Variants in GSS observed in about 807,000 individuals in gnomAD.
GSS encodes glutathione synthetase.
Under a neutral mutation model 60.4 loss-of-function variants are expected in GSS, and 34 were observed. That is an observed-to-expected ratio of 0.56 (90% CI 0.43 to 0.75). The LOEUF (loss-of-function observed/expected upper bound fraction) is 0.75. Ranked by LOEUF, GSS falls within the 30% of genes least tolerant of loss-of-function variation. The pLI, the probability that GSS is intolerant of heterozygous loss-of-function variation, is 0.00. For synonymous variants in GSS, 224 were observed against 239.0 expected, an observed-to-expected ratio of 0.94 and a Z score of 0.58; for missense variants, 499 against 595.1, an observed-to-expected ratio of 0.84 and a Z score of 1.68.
chr20:34,932,610 G>A (rs938183195), intron 9 of GSS, among the ~76,000 whole-genome samples: 1 of 152,006 alleles, frequency 6.6e-6, no homozygotes, highest in Non-Finnish European at 1.5e-5. Flanking sequence ...CCTTCCTTTC[G>A]GCTTTTCCCA....
intron 2 of GSS, 102 bp downstream of exon 2, chr20:34,951,622 G>T: frequency 1.5e-6 from 2 of 1,319,910 alleles, no homozygotes; most frequent in Non-Finnish European, 2.1e-6. Flanking sequence ...AAAAAATAAG[G>T]CAAAAGAGAT....
intron 11 of GSS, among the ~76,000 whole-genome samples, chr20:34,930,193 G>A (rs1440635598): frequency 1.3e-5 from 2 of 151,506 alleles, no homozygotes; most frequent in Non-Finnish European, 2.9e-5. Context: ...TTGAACCTGG[G>A]AGGCAGTGGT....
chr20:34,929,702 T>C, intron 11 of GSS, 112 bp from the exon 12 acceptor site: 1 of 899,202 alleles, frequency 1.1e-6, no homozygotes, highest in South Asian at 1.3e-5. Context: ...TGGCACCCGC[T>C]CAGTGAAGCC....
At chr20:34,946,940 C>G in intron 2 of GSS, among the ~76,000 whole-genome samples, 1 of 152,178 alleles carries the variant, frequency 6.6e-6, no homozygotes. Flanking sequence ...AACAACTGAA[C>G]TAGAACTTGG....
rs572018749 is a variant in GSS, at chr20:34,947,618, T to C, written c.130-1520A>G. Among the ~76,000 whole-genome samples, 16 of 152,252 alleles carry C rather than the reference T, an allele frequency of 1.1e-4. No individual in the cohort carries two copies. The South Asian group carries it at 3.3e-3, about 32-fold the overall frequency. On this transcript the variant is annotated intron_variant, in intron 2 of 12. Coordinates refer to ENST00000651619, the MANE Select transcript of GSS (RefSeq NM_000178.4). The stretch of plus-strand genomic sequence containing the variant: ...TATATGTATACACATATATTTTCTC[T>C]TTTTTTCACCCCCATAGCAAACTAT...
rs1426560325 is a variant in GSS at position 34,935,642 on chromosome 20, C to T, written c.768G>A (p.Val256=). 1 of 1,608,794 alleles carries T rather than the reference C, an allele frequency of 6.2e-7. No homozygotes were observed. The part of the protein sequence containing the change: ...GSLDQDRRLF[V]DGQEIAVVYF... Reference sequence around the variant, plus strand: ...AAACCACAGCAATTTCCTGGCCATCCCTGGAACACAGGATGGAGAAGGCTG... The same window carrying T: ...AAACCACAGCAATTTCCTGGCCATCTCTGGAACACAGGATGGAGAAGGCTG... Residue 256 remains valine, a splice_region_variant and synonymous_variant, in exon 9 of 13, where the codon GTG becomes GTA. Coordinates refer to ENST00000651619, the MANE Select transcript of GSS (RefSeq NM_000178.4).
intron 2 of GSS, 134 bp downstream of exon 2, chr20:34,951,590 A>G (rs2081568635): frequency 1.0e-6 from 1 of 952,964 alleles, no homozygotes. Flanking sequence ...TTCTACTTCT[A>G]GAGATCAATT....
At chr20:34,945,142 TC>T (rs2081510888) in intron 3 of GSS, among the ~76,000 whole-genome samples, 1 of 151,676 alleles carries the variant, frequency 6.6e-6, no homozygotes, top group Non-Finnish European at 1.5e-5. Context: ...TGCCTCAGCC[TC>T]CCAAGTAGCT....
At chr20:34,955,605 A>C (rs1457748394) in intron 1 of GSS, 122 bp downstream of exon 1, 1 of 152,318 alleles carries the variant, frequency 6.6e-6, no homozygotes, top group Non-Finnish European at 1.5e-5. Context: ...GCTCCTACGA[A>C]GGGTTTCAGC....
chr20:34,934,660 G>T (rs144326106), intron 9 of GSS, among the ~76,000 whole-genome samples: 5 of 152,248 alleles, frequency 3.3e-5, no homozygotes, highest in African/African-American at 9.6e-5. Flanking sequence ...TAAAGAAAAG[G>T]ATGTTCTATC....
At chr20:34,953,320 C>T (rs1457559241) in intron 1 of GSS, among the ~76,000 whole-genome samples, 1 of 152,208 alleles carries the variant, frequency 6.6e-6, no homozygotes, top group Non-Finnish European at 1.5e-5. Context: ...GAGCCAGTGC[C>T]AGGCCAATTA....
chr20:34,944,291 T>C (rs1047468613), intron 3 of GSS, among the ~76,000 whole-genome samples: 1 of 152,204 alleles, frequency 6.6e-6, no homozygotes, highest in African/African-American at 2.4e-5. Context: ...GTTGCAAAGA[T>C]GAGCTGCAAG....
At chr20:34,953,181 C>T (rs1323229042) in intron 1 of GSS, among the ~76,000 whole-genome samples, 1 of 152,330 alleles carries the variant, frequency 6.6e-6, no homozygotes, top group South Asian at 2.1e-4. Context: ...AACACAGTCA[C>T]TAATTTTGTT....
At chr20:34,949,237 C>T (rs973420897) in intron 2 of GSS, among the ~76,000 whole-genome samples, 2 of 152,012 alleles carry the variant, frequency 1.3e-5, no homozygotes, top group African/African-American at 4.8e-5. Context: ...AAATTAACTC[C>T]CCAAACACTG....
intron 3 of GSS, among the ~76,000 whole-genome samples, chr20:34,945,495 C>T (rs891054681): frequency 1.3e-5 from 2 of 151,926 alleles, no homozygotes; most frequent in Admixed American, 6.6e-5. Context: ...CCCATCCCAT[C>T]CAAAGATGAG....
chr20:34,932,789 C>G (rs1024466805), intron 9 of GSS, among the ~76,000 whole-genome samples: 1 of 152,130 alleles, frequency 6.6e-6, no homozygotes, highest in Non-Finnish European at 1.5e-5. Flanking sequence ...CACACATACA[C>G]GCACACGCAC....
intron 8 of GSS, 30 bp downstream of exon 8, chr20:34,936,733 G>T: frequency 6.7e-7 from 1 of 1,490,604 alleles, no homozygotes; most frequent in Non-Finnish European, 9.4e-7. Flanking sequence ...TCATAAACCA[G>T]CCTTCCACTG....
intron 2 of GSS, chr20:34,946,852 T>A (rs1429346987): frequency 6.6e-6 from 1 of 152,206 alleles, no homozygotes; most frequent in Non-Finnish European, 1.5e-5. Flanking sequence ...TTCTTTGGAC[T>A]TTATCATAGA....
intron 9 of GSS, among the ~76,000 whole-genome samples, chr20:34,932,408 C>T (rs1422762663): frequency 6.6e-6 from 1 of 152,138 alleles, no homozygotes; most frequent in African/African-American, 2.4e-5. Context: ...GCTCAGCTTC[C>T]CACTGTGTTC....
Sources: allele counts gnomAD v4.1 joint callset (sites outside exome capture counted in the v4.1 genomes callset), GRCh38; gene constraint gnomAD v4.1.1; transcripts MANE v1.5; gene names NCBI Gene and HGNC (gene_info 2026-07-23, HGNC 2026-07-21).